Variants in PCGF5 observed in about 807,000 individuals in gnomAD.
PCGF5 encodes polycomb group ring finger 5.
A neutral mutation model predicts 44.3 loss-of-function variants in PCGF5; 9 were observed. The observed-to-expected ratio is 0.20, with a 90% CI of 0.12 to 0.35. The LOEUF (loss-of-function observed/expected upper bound fraction) is 0.35, where lower values mean the gene tolerates loss of function less well. PCGF5 is among the 10% of genes least tolerant of loss of function. The pLI, the probability that PCGF5 is intolerant of heterozygous loss-of-function variation, is 1.00. For synonymous variants in PCGF5, 95 were observed against 102.5 expected, an observed-to-expected ratio of 0.93 and a Z score of 0.44; for missense variants, 146 against 305.3, an observed-to-expected ratio of 0.48 and a Z score of 3.89.
At chr10:91,202,191 T>C (rs1844266116) in intron 1 of PCGF5, among the ~76,000 whole-genome samples, 1 of 152,258 alleles carries the variant, frequency 6.6e-6, no homozygotes, top group Admixed American at 6.5e-5. Context: ...AAATGTGCTG[T>C]ATAAGTGCTA....
Position 91,278,448 on chromosome 10 carries a change from A to G in PCGF5, c.*132A>G, listed in dbSNP as rs527558003. 4.6e-5 allele frequency: 36 copies of G among 783,576 alleles called. No individual in the cohort carries two copies. The highest frequency in any genetic ancestry group is 3.9e-4 in the East Asian group (15 of 38,242). The allele number at this position is 783,576 out of a possible 1,614,324, so 48.5% of individuals were successfully genotyped here. ...CAGCATGCAAATAAGGCCATTGTCT[A>G]TCTCTAAATTGTCAGTTGCATTCAT... On this transcript the variant is annotated 3_prime_UTR_variant, in exon 10 of 10. Coordinates refer to ENST00000336126, the MANE Select transcript of PCGF5 (RefSeq NM_032373.5).
chr10:91,171,308 A>C (rs934351888), intron 1 of PCGF5, among the ~76,000 whole-genome samples: 2 of 152,216 alleles, frequency 1.3e-5, no homozygotes, highest in Non-Finnish European at 2.9e-5. Context: ...GCTGCATTTG[A>C]AATGGGTTGG....
chr10:91,254,454 A>T (rs1443355687), intron 6 of PCGF5, among the ~76,000 whole-genome samples: 1 of 151,938 alleles, frequency 6.6e-6, no homozygotes, highest in South Asian at 2.1e-4. Context: ...ACTTATATTT[A>T]TCTGTCAATT....
At chr10:91,167,297 A>C (rs887853550) in intron 1 of PCGF5, among the ~76,000 whole-genome samples, 1 of 152,236 alleles carries the variant, frequency 6.6e-6, no homozygotes, top group African/African-American at 2.4e-5. Context: ...TTAGACATAG[A>C]TACTCTTTCT....
intron 1 of PCGF5, among the ~76,000 whole-genome samples, chr10:91,181,426 C>T (rs1843817324): frequency 6.7e-6 from 1 of 150,352 alleles, no homozygotes; most frequent in South Asian, 2.1e-4. Flanking sequence ...GCATCCTTGT[C>T]TTGTGCCAGT....
At chr10:91,241,336 T>A (rs1393151834) in intron 3 of PCGF5, among the ~76,000 whole-genome samples, 1 of 152,146 alleles carries the variant, frequency 6.6e-6, no homozygotes, top group Non-Finnish European at 1.5e-5. Context: ...CCCAAAGTGC[T>A]GGGATAAAGG....
At chr10:91,166,260 T>C (rs762629780) in intron 1 of PCGF5, among the ~76,000 whole-genome samples, 1 of 152,162 alleles carries the variant, frequency 6.6e-6, no homozygotes, top group Non-Finnish European at 1.5e-5. Context: ...TTGTCTGCCT[T>C]TTGCTTGTGA....
At chr10:91,168,958 A>ATT (rs1254041045) in intron 1 of PCGF5, among the ~76,000 whole-genome samples, 36 of 139,422 alleles carry the variant, frequency 2.6e-4, no homozygotes, top group Non-Finnish European at 3.7e-4. Context: ...AAAAAAAAAA[A>ATT]GAAGGCTTGA....
At chr10:91,173,055 G>T (rs1843638475) in intron 1 of PCGF5, among the ~76,000 whole-genome samples, 1 of 152,158 alleles carries the variant, frequency 6.6e-6, no homozygotes, top group Non-Finnish European at 1.5e-5. Flanking sequence ...CATCTGTAGT[G>T]TAGGAAAAAA....
intron 1 of PCGF5, among the ~76,000 whole-genome samples, chr10:91,169,688 T>C (rs1427584967): frequency 6.6e-6 from 1 of 152,246 alleles, no homozygotes; most frequent in Admixed American, 6.5e-5. Flanking sequence ...GACTCAATAT[T>C]GTCAGGACTT....
rs772415227 is a variant in PCGF5, at chr10:91,282,553, G to A, written c.*4237G>A. On this transcript the variant is annotated 3_prime_UTR_variant, in exon 10 of 10. Transcript: ENST00000336126. ...ATTGTTATTAGAATTTAGCCATACA[G>A]CCAACTTTGACAAAATGGGTCACAG... 1 of 152,600 alleles carries A rather than the reference G, an allele frequency of 6.6e-6. No homozygotes were observed. The highest frequency in any genetic ancestry group is 2.4e-5 in the African/African-American group (1 of 41,410). The allele number at this position is 152,600 out of a possible 1,614,324, so 9.5% of individuals were successfully genotyped here.
At chr10:91,184,353 T>G (rs1258923164) in intron 1 of PCGF5, among the ~76,000 whole-genome samples, 1 of 152,206 alleles carries the variant, frequency 6.6e-6, no homozygotes, top group African/African-American at 2.4e-5. Flanking sequence ...TATTCTGATA[T>G]TAATACTTTT....
chr10:91,227,992 A>C, intron 2 of PCGF5: 1 of 907,790 alleles, frequency 1.1e-6, no homozygotes, highest in Non-Finnish European at 1.3e-6. Flanking sequence ...TCAAAGATTC[A>C]AATGCAGTGA....
chr10:91,281,363 TA>T lies in PCGF5; in HGVS notation c.*3050del, dbSNP rs1394553023. On this transcript the variant is annotated 3_prime_UTR_variant, in exon 10 of 10. Coordinates refer to ENST00000336126, the MANE Select transcript of PCGF5 (RefSeq NM_032373.5). ...CTACATTACACACTCAAATGTAATCTAAATTTAAACTGATTATTTAAGGAAA... is the reference window on the plus strand; with the variant it reads ...CTACATTACACACTCAAATGTAATCTAATTTAAACTGATTATTTAAGGAAA... 6.6e-6 allele frequency: 1 copy of T among 152,560 alleles called. No homozygotes were observed. The highest frequency in any genetic ancestry group is 1.5e-5 in the Non-Finnish European group (1 of 67,956). 9.5% of individuals were successfully genotyped at this position (152,560 alleles called of 1,614,324 possible). A position where few individuals can be genotyped will look rare whatever the true frequency, so the allele number is the denominator to read the frequency against.
At chr10:91,245,745 C>T (rs1487688498) in intron 3 of PCGF5, among the ~76,000 whole-genome samples, 1 of 152,034 alleles carries the variant, frequency 6.6e-6, no homozygotes, top group African/African-American at 2.4e-5. Flanking sequence ...TGGCCGGGGC[C>T]TGTGGAAGTT....
rs1184643593 is a variant in PCGF5, at chr10:91,256,556, A to G, written c.475-4770A>G. Among the ~76,000 whole-genome samples, 4 of 152,126 alleles carry G rather than the reference A, an allele frequency of 2.6e-5. No homozygotes were observed. The East Asian group carries it at 7.7e-4, about 29-fold the overall frequency. ...AAGAAATAATGGCCCCTAAAAACCAACCAAATTTGATGAAAAATATTAAAC... is the reference window on the plus strand; with the variant it reads ...AAGAAATAATGGCCCCTAAAAACCAGCCAAATTTGATGAAAAATATTAAAC... On this transcript the variant is annotated intron_variant, in intron 6 of 9. Transcript: ENST00000336126.
intron 8 of PCGF5, among the ~76,000 whole-genome samples, chr10:91,266,726 C>G (rs991207961): frequency 3.9e-5 from 6 of 152,134 alleles, no homozygotes; most frequent in Non-Finnish European, 8.8e-5. Context: ...CTCCATTTTT[C>G]CAGTTGCTCA....
chr10:91,216,352 G>A (rs1027347251), upstream of PCGF5, among the ~76,000 whole-genome samples: 1 of 152,182 alleles, frequency 6.6e-6, no homozygotes, highest in Non-Finnish European at 1.5e-5. Flanking sequence ...TAAAGACAGG[G>A]TGGTCATTTG....
At chr10:91,178,498 C>A (rs1173979806) in intron 1 of PCGF5, among the ~76,000 whole-genome samples, 1 of 151,412 alleles carries the variant, frequency 6.6e-6, no homozygotes, top group Non-Finnish European at 1.5e-5. Flanking sequence ...CAAGCAATAC[C>A]CCCATCACAG....
Sources: gnomAD v4.1 joint callset for allele counts (sites outside exome capture counted in the v4.1 genomes callset) on GRCh38, gnomAD v4.1.1 for gene constraint, MANE v1.5 for transcripts, NCBI Gene and HGNC (gene_info 2026-07-23, HGNC 2026-07-21) for gene names.